The following DPP9 variants were observed in gnomAD, a reference collection of about 807,000 sequenced individuals.
DPP9 encodes dipeptidyl peptidase IV-related protein-2.
DPP9 carries 50 observed loss-of-function variants against 110.7 expected under a neutral mutation model. The ratio of observed to expected loss-of-function variants is 0.45; its 90% CI spans 0.36 to 0.57. The LOEUF (loss-of-function observed/expected upper bound fraction) is 0.57, where lower values mean the gene tolerates loss of function less well. Among genes scored for constraint, DPP9 ranks in the 20% least tolerant of loss-of-function variants. DPP9 has a pLI of 0.00. For synonymous variants in DPP9, 561 were observed against 514.4 expected (o/e 1.09, Z -1.23); for missense variants, 1,022 against 1,217.9 (o/e 0.84, Z 2.39).
chr19:4,689,725 G>T lies in DPP9; in HGVS notation c.1597-3C>A, dbSNP rs1351758690. ...TTGGTCTCCTCATTGACCCAGATCT[G>T]CAGGGGGACAGGGGATCCTCGTGAT... is the stretch of plus-strand genomic sequence containing the variant. On this transcript the variant is annotated splice_region_variant and splice_polypyrimidine_tract_variant and intron_variant, in intron 14 of 21. Coordinates refer to ENST00000262960, the MANE Select transcript of DPP9 (RefSeq NM_139159.5). This position sits in a 1 kb window ranked among gnomAD's most constrained non-coding sequence, Gnocchi z 7.0. The T allele has an allele frequency of 1.3e-6, 2 of 1,545,336 alleles. No homozygotes were observed. Among genetic ancestry groups the T allele is most frequent in the Non-Finnish European group, 1.8e-6 (2 of 1,142,754 alleles).
Position 4,704,043 on chromosome 19 carries a change from C to T in DPP9, c.612G>A (p.Met204Ile). Residue 204 changes from methionine to isoleucine, a missense_variant, in exon 7 of 22, where the codon ATG becomes ATA. Coordinates refer to ENST00000262960, the MANE Select transcript of DPP9 (RefSeq NM_139159.5). This position sits in a 1 kb window ranked among gnomAD's most constrained non-coding sequence, Gnocchi z 6.0. ...ACTGGGTCTTGATTTCCAGCGGTTT[C>T]ATAGGGGACACCTGAGGACAGAGAC... ...GGKNGFMVSP[M>I]KPLEIKTQCS... 1 of 1,614,022 alleles carries T rather than the reference C, an allele frequency of 6.2e-7. No homozygotes were observed.
In DPP9 at chr19:4,700,161, C is replaced by T. The variant is rs957631718; in HGVS notation, c.1074+55G>A. 29 of 1,416,770 alleles carry T rather than the reference C, an allele frequency of 2.0e-5. No homozygotes were observed. In the African/African-American group the frequency reaches 2.4e-4, roughly 12 times the overall value. 87.8% of individuals were successfully genotyped at this position (1,416,770 alleles called of 1,614,324 possible). A position where few individuals can be genotyped will look rare whatever the true frequency, so the allele number is the denominator to read the frequency against. On this transcript the variant is annotated intron_variant, in intron 10 of 21. Coordinates refer to ENST00000262960, the MANE Select transcript of DPP9 (RefSeq NM_139159.5). The surrounding 1 kb of genome is among the most constrained non-coding windows in gnomAD (Gnocchi z 4.3). ...CTGCCCATCCACCCAGCTGCCTACC[C>T]GGCCCTTCCCCGCATCATCTAGTAG...
At chr19:4,712,116 C>A (rs1393548454) in intron 4 of DPP9, among the ~76,000 whole-genome samples, 2 of 152,172 alleles carry the variant, frequency 1.3e-5, no homozygotes, top group East Asian at 3.8e-4. Context: ...GTGGGCGCCA[C>A]AGGATAAAAA....
At chr19:4,713,224 C>T (rs1398619732) in intron 4 of DPP9, among the ~76,000 whole-genome samples, 1 of 152,226 alleles carries the variant, frequency 6.6e-6, no homozygotes, top group Non-Finnish European at 1.5e-5. Flanking sequence ...TGGTCCCCAG[C>T]CATGTGTCAC....
At chr19:4,690,784 TATGTGTGTGTATGCGCGTGC>T (rs2091246831) in intron 14 of DPP9, 74 bp downstream of exon 14, 1 of 930,792 alleles carries the variant, frequency 1.1e-6, no homozygotes, top group Admixed American at 2.0e-5. Flanking sequence ...TGTGTGAGTG[TATGTGTGTGTATGCGCGTGC>T]GTGTGTGTGT....
intron 20 of DPP9, among the ~76,000 whole-genome samples, chr19:4,680,356 G>C (rs10408891): frequency 0.021 from 3,132 of 151,712 alleles, 104 homozygotes; most frequent in African/African-American, 0.072. Flanking sequence ...AGTGAGCTAT[G>C]ATCATACCAC....
intron 19 of DPP9, chr19:4,683,056 C>A: frequency 6.7e-7 from 1 of 1,498,452 alleles, no homozygotes; most frequent in Non-Finnish European, 8.9e-7. Context: ...GCAGGTGCGG[C>A]CCCTCCCCGC....
rs983362034 is a variant in DPP9, at chr19:4,722,587, TA to T, written c.-88-37del. ...TAAACATGTCATGAATGTGGCAGGT[TA>T]ATGGAAGCACCGGCCAGCCGTTCAG... On this transcript the variant is annotated intron_variant, in intron 1 of 21. Transcript: ENST00000262960. The T allele has an allele frequency of 3.0e-5, 21 of 702,512 alleles. No homozygotes were observed. In the African/African-American group the frequency reaches 3.1e-4, roughly 11 times the overall value. The allele number at this position is 702,512 out of a possible 1,614,324, so 43.5% of individuals were successfully genotyped here.
chr19:4,720,945 G>T (rs941490601), intron 2 of DPP9, among the ~76,000 whole-genome samples: 3 of 152,228 alleles, frequency 2.0e-5, no homozygotes, highest in African/African-American at 7.2e-5. Context: ...CCCACTCAGG[G>T]TGAGGATTTC....
At position 4,687,150 on chromosome 19, in the gene DPP9, G is replaced by A. The variant is rs2090829516; in HGVS notation, c.1886-1379C>T. 6.6e-6 allele frequency among the ~76,000 whole-genome samples: 1 copy of A among 152,182 alleles called. No individual in the cohort carries two copies. Among genetic ancestry groups the A allele is most frequent in the South Asian group, 2.1e-4 (1 of 4,828 alleles). On this transcript the variant is annotated intron_variant, in intron 16 of 21. Coordinates refer to ENST00000262960, the MANE Select transcript of DPP9 (RefSeq NM_139159.5). This position sits in a 1 kb window ranked among gnomAD's most constrained non-coding sequence, Gnocchi z 4.7. ...AGGGCTCCAGCTCCTGGCGGTGTCG[G>A]TGCGGACAGGAGAGTGAGGACTGGG... is the stretch of plus-strand genomic sequence containing the variant.
Position 4,689,758 on chromosome 19 carries a change from A to T in DPP9, c.1597-36T>A. The T allele has an allele frequency of 2.0e-6, 3 of 1,528,380 alleles. No homozygotes were observed. Among genetic ancestry groups the T allele is most frequent in the Non-Finnish European group, 2.6e-6 (3 of 1,132,226 alleles). The allele number at this position is 1,528,380 out of a possible 1,614,324, so 94.7% of individuals were successfully genotyped here. A position where few individuals can be genotyped will look rare whatever the true frequency, so the allele number is the denominator to read the frequency against. ...ACAGGGGATCCTCGTGATGCGTCCC[A>T]GATGCCCCTGGGCCCACACCCCTCT... is the stretch of plus-strand genomic sequence containing the variant. On this transcript the variant is annotated intron_variant, in intron 14 of 21. Transcript: ENST00000262960. This position sits in a 1 kb window ranked among gnomAD's most constrained non-coding sequence, Gnocchi z 7.0.
At position 4,689,576 on chromosome 19, in the gene DPP9, C is replaced by A. The variant is rs1467349623; in HGVS notation, c.1743G>T (p.Met581Ile). 1 of 1,562,108 alleles carries A rather than the reference C, an allele frequency of 6.4e-7. No homozygotes were observed. Among genetic ancestry groups the A allele is most frequent in the Admixed American group, 1.9e-5 (1 of 53,244 alleles). Residue 581 changes from methionine (M) to isoleucine (I), a missense_variant, in exon 15 of 22, where the codon ATG (methionine) becomes ATT (isoleucine). Met to Ile is a conservative substitution (Grantham distance 10). This residue lies in a region of DPP9 where 810 missense variants were observed against 920.6 expected (regional missense o/e 0.88). Coordinates refer to ENST00000262960, the MANE Select transcript of DPP9 (RefSeq NM_139159.5). The surrounding 1 kb of genome is among the most constrained non-coding windows in gnomAD (Gnocchi z 7.0). Reference protein sequence around the residue: ...TTPGFSHSCSMSQNFDMFVSH... With the variant: ...TTPGFSHSCSISQNFDMFVSH... ...TGAGGCTGGGCGGTCCCACCTGGCT[C>A]ATGGAGCAGCTATGGGAGAAGCCGG...
chr19:4,718,390 G>C lies in DPP9; in HGVS notation c.56+1461C>G, dbSNP rs546634579. Among the ~76,000 whole-genome samples the C allele has an allele frequency of 6.6e-6, 1 of 152,236 alleles. No individual in the cohort carries two copies. Among genetic ancestry groups the C allele is most frequent in the African/African-American group, 2.4e-5 (1 of 41,476 alleles). On this transcript the variant is annotated intron_variant, in intron 3 of 21. Transcript: ENST00000262960. The surrounding 1 kb of genome is among the most constrained non-coding windows in gnomAD (Gnocchi z 4.3). ...CACAAGGTGATAAGGCAGAAAGAAAGGTGGGAGCCCCTGGCTGGCGTGGGG... is the reference window on the plus strand; with the variant it reads ...CACAAGGTGATAAGGCAGAAAGAAACGTGGGAGCCCCTGGCTGGCGTGGGG...
chr19:4,702,779 AG>A (rs2092344306), intron 7 of DPP9, 63 bp from the exon 8 acceptor site: 2 of 874,426 alleles, frequency 2.3e-6, no homozygotes, highest in Non-Finnish European at 3.3e-6. Flanking sequence ...GGGGACAGCC[AG>A]GGGCTCAAGG....
chr19:4,714,984 GCTTAA>G (rs1256112349), intron 3 of DPP9, among the ~76,000 whole-genome samples: 1 of 133,228 alleles, frequency 7.5e-6, no homozygotes, highest in East Asian at 2.3e-4. Context: ...TCCTCACTTT[GCTTAA>G]CTTCTTTGAT....
rs796541643 is a variant in DPP9 at position 4,704,403 on chromosome 19, C to T, written c.427-99G>A. ...TCGGGCTGGGGCATTCCCAGGGAAT[C>T]TGACTTCGGGCCTCGCCAGAGAGAA... On this transcript the variant is annotated intron_variant, in intron 5 of 21. Coordinates refer to ENST00000262960, the MANE Select transcript of DPP9 (RefSeq NM_139159.5). The surrounding 1 kb of genome is among the most constrained non-coding windows in gnomAD (Gnocchi z 6.0). 3.9e-5 allele frequency: 56 copies of T among 1,423,052 alleles called. No homozygotes were observed. Among genetic ancestry groups the T allele is most frequent in the South Asian group, 8.9e-5 (7 of 78,950 alleles). The allele number at this position is 1,423,052 out of a possible 1,614,324, so 88.2% of individuals were successfully genotyped here.
chr19:4,677,821 G>A (rs893515066), intron 21 of DPP9, among the ~76,000 whole-genome samples: 3 of 152,172 alleles, frequency 2.0e-5, no homozygotes, highest in African/African-American at 4.8e-5. Flanking sequence ...TGGCTAAGAG[G>A]GCAGATAGAG....
intron 4 of DPP9, 92 bp from the exon 5 acceptor site, chr19:4,706,062 T>G: frequency 8.7e-7 from 1 of 1,148,102 alleles, no homozygotes; most frequent in Non-Finnish European, 1.2e-6. Flanking sequence ...TGGTTCCCTC[T>G]GCTTCTAGAA....
chr19:4,716,870 A>T (rs533101734), intron 3 of DPP9, among the ~76,000 whole-genome samples: 35 of 152,294 alleles, frequency 2.3e-4, no homozygotes, highest in African/African-American at 8.4e-4. Context: ...CAATTACAGC[A>T]GGAAAAGTCA....
Sources: gnomAD v4.1 joint callset for allele counts (sites outside exome capture counted in the v4.1 genomes callset) on GRCh38, gnomAD v4.1.1 for gene constraint, gnomAD v4.1.1 regional missense constraint, Gnocchi (gnomAD v3.1) non-coding constraint, MANE v1.5 for transcripts, NCBI Gene and HGNC (gene_info 2026-07-23, HGNC 2026-07-21) for gene names.